The following MFHAS1 variants were observed in gnomAD, a reference collection of about 807,000 sequenced individuals.
MFHAS1 encodes multifunctional ROCO family signaling regulator 1.
A neutral mutation model predicts 70.4 loss-of-function variants in MFHAS1; 50 were observed. That is an observed-to-expected ratio of 0.71 (90% confidence interval 0.57 to 0.90). The LOEUF (loss-of-function observed/expected upper bound fraction) is 0.90, where lower values mean the gene tolerates loss of function less well. Ranked by LOEUF, MFHAS1 falls within the 40% of genes least tolerant of loss-of-function variation. The pLI is 0.00. For missense variants in MFHAS1, 1,795 were observed against 1,347.6 expected (o/e 1.33, Z -5.20); for synonymous variants, 952 against 620.0 (o/e 1.54, Z -7.96).
intron 1 of MFHAS1, among the ~76,000 whole-genome samples, chr8:8,865,004 G>C (rs1378317914): frequency 6.6e-6 from 1 of 152,088 alleles, no homozygotes; most frequent in African/African-American, 2.4e-5. Context: ...GGCCAGGTCT[G>C]GTGGCTCATG....
intron 1 of MFHAS1, among the ~76,000 whole-genome samples, chr8:8,820,117 T>G (rs1361401052): frequency 1.3e-5 from 2 of 152,192 alleles, no homozygotes; most frequent in African/African-American, 4.8e-5. Context: ...TTCTCTAAAT[T>G]TATTTAATTA....
chr8:8,872,581 C>A (rs1809119005), intron 1 of MFHAS1, among the ~76,000 whole-genome samples: 1 of 152,082 alleles, frequency 6.6e-6, no homozygotes, highest in African/African-American at 2.4e-5. Context: ...TAATGCCGCA[C>A]CACATTACAC....
Position 8,891,383 on chromosome 8 carries a change from G to A in MFHAS1, c.1676C>T (p.Ala559Val), listed in dbSNP as rs200810541. 1.9e-6 allele frequency: 3 copies of A among 1,611,746 alleles called. No individual in the cohort carries two copies. The highest frequency in any genetic ancestry group is 2.2e-5 in the East Asian group (1 of 44,876). ...EKCLDIHRQIALQEKHDAEGL... is the reference protein window; with the variant it reads ...EKCLDIHRQIVLQEKHDAEGL... The stretch of plus-strand genomic sequence containing the variant: ...CTCCGCGTCGTGCTTCTCCTGCAGG[G>A]CGATCTGGCGGTGAATGTCCAGACA... The change falls in exon 1 of 3, where the codon GCC becomes GTC. Residue 559 changes from alanine to valine, a missense_variant. By Grantham distance (64) the Ala-to-Val change is moderately conservative. Coordinates refer to ENST00000276282, the MANE Select transcript of MFHAS1 (RefSeq NM_004225.3). This position sits in a 1 kb window ranked among gnomAD's most constrained non-coding sequence, Gnocchi z 5.4.
rs759452747 is a variant in MFHAS1 at position 8,797,347 on chromosome 8, G to A, written c.3125+18C>T. On this transcript the variant is annotated intron_variant, in intron 2 of 2. Coordinates refer to ENST00000276282, the MANE Select transcript of MFHAS1 (RefSeq NM_004225.3). ...TCAGGAGCCAGGTCCCGGGGCCAGA[G>A]GGACTTTGAGAACTCACTTGGAACA... 1.9e-6 allele frequency: 3 copies of A among 1,612,336 alleles called. No homozygotes were observed. Among genetic ancestry groups the A allele is most frequent in the South Asian group, 1.1e-5 (1 of 91,004 alleles).
intron 2 of MFHAS1, among the ~76,000 whole-genome samples, chr8:8,796,584 T>C (rs1178816016): frequency 2.8e-5 from 4 of 141,698 alleles, no homozygotes; most frequent in Non-Finnish European, 6.0e-5. Context: ...CTCGGGAGGC[T>C]GAGGCAGGAG....
chr8:8,829,644 G>A (rs1377765859), intron 1 of MFHAS1, among the ~76,000 whole-genome samples: 6 of 152,226 alleles, frequency 3.9e-5, no homozygotes, highest in African/African-American at 1.2e-4. Context: ...TCACGCCACT[G>A]CACTTCAGCC....
chr8:8,867,707 G>A (rs913416563), intron 1 of MFHAS1, among the ~76,000 whole-genome samples: 4 of 151,726 alleles, frequency 2.6e-5, no homozygotes, highest in South Asian at 2.1e-4. Flanking sequence ...ACAGGCACCC[G>A]CCACCACACC....
At chr8:8,798,043 A>G (rs1805969442) in intron 1 of MFHAS1, among the ~76,000 whole-genome samples, 1 of 152,252 alleles carries the variant, frequency 6.6e-6, no homozygotes, top group Non-Finnish European at 1.5e-5. Flanking sequence ...GTATGTGTGA[A>G]GCAGATGCAC....
chr8:8,813,352 T>C (rs1277156728), intron 1 of MFHAS1, among the ~76,000 whole-genome samples: 3 of 152,250 alleles, frequency 2.0e-5, no homozygotes, highest in Non-Finnish European at 2.9e-5. Context: ...CTCCTACTTA[T>C]TTTAAAACAT....
chr8:8,891,361 C>T lies in MFHAS1; in HGVS notation c.1698G>A (p.Ala566=), dbSNP rs755299320. 6.2e-7 allele frequency: 1 copy of T among 1,611,178 alleles called. No homozygotes were observed. Among genetic ancestry groups the T allele is most frequent in the Non-Finnish European group, 8.5e-7 (1 of 1,180,024 alleles). Residue 566 remains alanine (A), a synonymous_variant, in exon 1 of 3, where the codon GCG becomes GCA. Transcript: ENST00000276282. The surrounding 1 kb of genome is among the most constrained non-coding windows in gnomAD (Gnocchi z 5.4). The stretch of plus-strand genomic sequence containing the variant: ...CCTTGGCCAAGCGGCTCAGTCCCTC[C>T]GCGTCGTGCTTCTCCTGCAGGGCGA... ...RQIALQEKHD[A]EGLSRLAKVV...
At chr8:8,878,685 A>G (rs994837025) in intron 1 of MFHAS1, among the ~76,000 whole-genome samples, 2 of 150,714 alleles carry the variant, frequency 1.3e-5, no homozygotes, top group African/African-American at 4.9e-5. Flanking sequence ...AAAAAAAAGG[A>G]AAAAAGGAGG....
At chr8:8,880,663 C>T (rs147870491) in intron 1 of MFHAS1, among the ~76,000 whole-genome samples, 37 of 150,612 alleles carry the variant, frequency 2.5e-4, no homozygotes, top group African/African-American at 8.8e-4. Flanking sequence ...CGGTCTAGGG[C>T]AGGACATCCC....
At chr8:8,876,959 C>G (rs550236398) in intron 1 of MFHAS1, among the ~76,000 whole-genome samples, 1 of 151,598 alleles carries the variant, frequency 6.6e-6, no homozygotes, top group Non-Finnish European at 1.5e-5. Context: ...AATGAAACCA[C>G]TGTCATAGTG....
At chr8:8,786,951 C>T (rs1031049921) in intron 2 of MFHAS1, among the ~76,000 whole-genome samples, 1 of 151,930 alleles carries the variant, frequency 6.6e-6, no homozygotes, top group African/African-American at 2.4e-5. Context: ...CAAAACAAAA[C>T]AAAACAAAAA....
At chr8:8,786,350 G>C (rs1285495419) in intron 2 of MFHAS1, among the ~76,000 whole-genome samples, 1 of 152,142 alleles carries the variant, frequency 6.6e-6, no homozygotes, top group African/African-American at 2.4e-5. Flanking sequence ...TAATTTTATA[G>C]CTTAACTAGA....
At chr8:8,861,379 G>C (rs1241294930) in intron 1 of MFHAS1, among the ~76,000 whole-genome samples, 1 of 152,146 alleles carries the variant, frequency 6.6e-6, no homozygotes, top group East Asian at 1.9e-4. Context: ...ATGTGGTTCA[G>C]TCTAACAGAA....
intron 1 of MFHAS1, among the ~76,000 whole-genome samples, chr8:8,813,998 G>A (rs983059467): frequency 2.0e-5 from 3 of 151,660 alleles, no homozygotes; most frequent in African/African-American, 7.3e-5. Context: ...GAGTGCAGGG[G>A]CATGATCTCG....
At chr8:8,854,592 T>C (rs1796296862) in intron 1 of MFHAS1, among the ~76,000 whole-genome samples, 1 of 147,372 alleles carries the variant, frequency 6.8e-6, no homozygotes, top group Non-Finnish European at 1.5e-5. Flanking sequence ...GGCCGAGGTA[T>C]GAGAATTGCT....
intron 1 of MFHAS1, among the ~76,000 whole-genome samples, chr8:8,869,845 C>G (rs1809005103): frequency 6.6e-6 from 1 of 152,136 alleles, no homozygotes; most frequent in Non-Finnish European, 1.5e-5. Context: ...AGGCCCAGGA[C>G]TCTGCCTCAT....
Sources: allele counts gnomAD v4.1 joint callset (sites outside exome capture counted in the v4.1 genomes callset), GRCh38; gene constraint gnomAD v4.1.1; non-coding constraint Gnocchi (gnomAD v3.1); transcripts MANE v1.5; gene names NCBI Gene and HGNC (gene_info 2026-07-23, HGNC 2026-07-21).